ASPM: variants seen among roughly 807,000 people sequenced by gnomAD.
ASPM encodes the protein assembly factor for spindle microtubules, also known as abnormal spindle-like microcephaly-associated protein.
A neutral mutation model predicts 366.4 loss-of-function variants in ASPM; 256 were observed. That is an observed-to-expected ratio of 0.70 (90% CI 0.63 to 0.77). ASPM has a LOEUF of 0.77. ASPM is among the 30% of genes least tolerant of loss of function. ASPM has a pLI of 0.00. For missense variants in ASPM, 4,146 were observed against 4,090.4 expected (o/e 1.01, Z -0.37); for synonymous variants, 1,414 against 1,342.9 (o/e 1.05, Z -1.16).
rs576920584 is a variant in ASPM, at chr1:197,104,941, C to T, written c.4310G>A (p.Arg1437His). The T allele has an allele frequency of 1.9e-5, 31 of 1,612,074 alleles. No homozygotes were observed. Among genetic ancestry groups the T allele is most frequent in the Middle Eastern group, 1.7e-4 (1 of 6,044 alleles). Reference sequence around the variant, plus strand: ...AGCTTTTACTTGTGATTGCATTTTACGTTGCTTCCATTTTCTGAACATAGA... The same window carrying T: ...AGCTTTTACTTGTGATTGCATTTTATGTTGCTTCCATTTTCTGAACATAGA... Reference protein sequence around the residue: ...IQSMFRKWKQRKMQSQVKATV... With the variant: ...IQSMFRKWKQHKMQSQVKATV... Residue 1437 changes from arginine to histidine, a missense_variant, in exon 18 of 28, where the codon CGT (arginine) becomes CAT (histidine). By Grantham distance (29) the Arg-to-His change is conservative (BLOSUM62 0). Around this residue, in one of 3 missense-constraint regions of ASPM, gnomAD observed 3,624 missense variants for 3,591.7 expected, o/e 1.01. Coordinates refer to ENST00000367409, the MANE Select transcript of ASPM (RefSeq NM_018136.5).
chr1:197,095,213 C>T (rs1656932200), intron 19 of ASPM, among the ~76,000 whole-genome samples: 1 of 151,614 alleles, frequency 6.6e-6, no homozygotes, highest in African/African-American at 2.4e-5. Flanking sequence ...TATTTTTGTA[C>T]CCATTAACCA....
chr1:197,118,079 T>G, intron 16 of ASPM, 96 bp from the exon 17 acceptor site: 2 of 1,181,260 alleles, frequency 1.7e-6, no homozygotes, highest in Non-Finnish European at 2.5e-6. Flanking sequence ...CCAATCAAAT[T>G]GATACTGGAA....
At chr1:197,090,744 A>G in intron 23 of ASPM, 106 bp downstream of exon 23, 2 of 1,028,646 alleles carry the variant, frequency 1.9e-6, no homozygotes, top group South Asian at 2.8e-5. Context: ...CTACCGGCTA[A>G]TGCGTTAGCT....
At position 197,093,182 on chromosome 1, in the gene ASPM, G is replaced by A. The variant is rs752064051; in HGVS notation, c.9164C>T (p.Ala3055Val). Residue 3055 changes from alanine to valine, a missense_variant, in exon 21 of 28, where the codon GCT becomes GTT. Around this residue, in one of 3 missense-constraint regions of ASPM, gnomAD observed 3,624 missense variants for 3,591.7 expected, o/e 1.01. Transcript: ENST00000367409. ...GRQVFLRQKS[A>V]ALIIQKYIRA... ...TATATATTTTTGTATGATCAAAGCAGCAGATTTCTGCCGAAGAAAGACCTG... is the reference window on the plus strand; with the variant it reads ...TATATATTTTTGTATGATCAAAGCAACAGATTTCTGCCGAAGAAAGACCTG... 1.9e-6 allele frequency: 3 copies of A among 1,612,450 alleles called. No homozygotes were observed. Among genetic ancestry groups the A allele is most frequent in the East Asian group, 2.2e-5 (1 of 44,840 alleles).
At chr1:197,138,756 T>TA (rs1348338784) in intron 4 of ASPM, 3 of 722,046 alleles carry the variant, frequency 4.2e-6, no homozygotes, top group Non-Finnish European at 7.5e-6. Flanking sequence ...GATTATTTCT[T>TA]ACGATGTTTG....
chr1:197,103,256 G>GA lies in ASPM; in HGVS notation c.5994dup (p.Leu1999SerfsTer7). Reference sequence around the variant, plus strand: ...TAAGCCCTATAATACTTTTGAATCAGAAGAGCAGCTTTTTTCATGATTTTC... The same window carrying GA: ...TAAGCCCTATAATACTTTTGAATCAGAAAGAGCAGCTTTTTTCATGATTTTC... On this transcript the variant is annotated frameshift_variant, in exon 18 of 28. Transcript: ENST00000367409. LOFTEE classifies it high-confidence loss of function. The GA allele has an allele frequency of 6.2e-7, 1 of 1,612,710 alleles. No homozygotes were observed. The highest frequency in any genetic ancestry group is 8.5e-7 in the Non-Finnish European group (1 of 1,179,280).
chr1:197,108,971 C>CAAA (rs564818123), intron 17 of ASPM, among the ~76,000 whole-genome samples: 40 of 69,686 alleles, frequency 5.7e-4, no homozygotes, highest in African/African-American at 1.8e-3. Context: ...ACCCTGTCTC[C>CAAA]AAAAAAAAAA....
Position 197,101,393 on chromosome 1 carries a change from GTTT to G in ASPM, c.7855_7857del (p.Lys2619del). 1 of 1,608,236 alleles carries G rather than the reference GTTT, an allele frequency of 6.2e-7. No homozygotes were observed. Among genetic ancestry groups the G allele is most frequent in the Non-Finnish European group, 8.5e-7 (1 of 1,178,792 alleles). On this transcript the variant is annotated inframe_deletion, in exon 18 of 28. Transcript: ENST00000367409. ...GCAGCCTGGTGCTGTTCCTGAATCT[GTTT>G]TTTTATGTTCATGTCCTGAAAACCT...
rs1196083751 is a variant in ASPM at position 197,143,537 on chromosome 1, G to A, written c.715C>T (p.Leu239Phe). Reference sequence around the variant, plus strand: ...TAGGTAGTAGATCGACGTACAGAGAGTGGCAAGCAAGTTGCACCATGGCAT... The same window carrying A: ...TAGGTAGTAGATCGACGTACAGAGAATGGCAAGCAAGTTGCACCATGGCAT... Reference protein sequence around the residue: ...NECHGATCLPLSVRRSTTYSS... With the variant: ...NECHGATCLPFSVRRSTTYSS... The change falls in exon 3 of 28, where the codon CTC becomes TTC. Residue 239 changes from leucine (L) to phenylalanine (F), a missense_variant. Coordinates refer to ENST00000367409, the MANE Select transcript of ASPM (RefSeq NM_018136.5). The A allele has an allele frequency of 1.2e-6, 2 of 1,613,870 alleles. No individual in the cohort carries two copies. The highest frequency in any genetic ancestry group is 1.7e-6 in the Non-Finnish European group (2 of 1,179,920).
intron 4 of ASPM, chr1:197,139,403 C>A (rs532266842): frequency 1.8e-6 from 1 of 559,768 alleles, no homozygotes; most frequent in East Asian, 3.0e-5. Flanking sequence ...CCGACCACCC[C>A]GGCCAACACG....
chr1:197,124,378 AT>A, intron 12 of ASPM, 47 bp from the exon 13 acceptor site: 1 of 1,303,258 alleles, frequency 7.7e-7, no homozygotes, highest in Non-Finnish European at 1.1e-6. Flanking sequence ...TTTTCCATAG[AT>A]TATTTTTAAC....
chr1:197,103,586 T>C lies in ASPM; in HGVS notation c.5665A>G (p.Lys1889Glu), dbSNP rs543898808. Residue 1889 changes from lysine to glutamate, a missense_variant, in exon 18 of 28, where the codon AAG becomes GAG. Lys to Glu is a moderately conservative substitution (Grantham distance 56, BLOSUM62 1). Around this residue, in one of 3 missense-constraint regions of ASPM, gnomAD observed 3,624 missense variants for 3,591.7 expected, o/e 1.01. Transcript: ENST00000367409. ...TCCCTTCTAATCTGTTTCCGAACCT[T>C]CCAGCCACGATAAGCAGACTGGAGG... ...ISLQSAYRGW[K>E]VRKQIRREHQ... 3 of 1,612,912 alleles carry C rather than the reference T, an allele frequency of 1.9e-6. No homozygotes were observed. In the African/African-American group the frequency reaches 4.0e-5, roughly 22 times the overall value.
Position 197,103,338 on chromosome 1 carries a change from A to T in ASPM, c.5913T>A (p.His1971Gln), listed in dbSNP as rs765876527. The change falls in exon 18 of 28, where the codon CAT becomes CAA. Residue 1971 changes from histidine to glutamine, a missense_variant. Transcript: ENST00000367409. ...KTLRRQLQRQ[H>Q]KCAIIIQSYY... The stretch of plus-strand genomic sequence containing the variant: ...ATGACTGTATGATGATAGCACATTT[A>T]TGTTGCCTTTGAAGCTGTCTTCTCA... The T allele has an allele frequency of 1.2e-6, 2 of 1,613,250 alleles. No individual in the cohort carries two copies. Among genetic ancestry groups the T allele is most frequent in the South Asian group, 2.2e-5 (2 of 91,064 alleles).
At position 197,146,627 on chromosome 1, in the gene ASPM, C is replaced by T. The variant is rs1387959892; in HGVS notation, c.-190G>A. ...ACAGAAAACAAGCCCAATAAACTCG[C>T]AAATTAAAAAGAGGAGCCAAACAAG... On this transcript the variant is annotated 5_prime_UTR_variant, in exon 1 of 28. Coordinates refer to ENST00000367409, the MANE Select transcript of ASPM (RefSeq NM_018136.5). 6 of 648,200 alleles carry T rather than the reference C, an allele frequency of 9.3e-6. No individual in the cohort carries two copies. The highest frequency in any genetic ancestry group is 1.6e-5 in the Non-Finnish European group (6 of 379,692). 40.2% of individuals were successfully genotyped at this position (648,200 alleles called of 1,614,324 possible). A position where few individuals can be genotyped will look rare whatever the true frequency, so the allele number is the denominator to read the frequency against.
Position 197,091,083 on chromosome 1 carries a change from GT to G in ASPM, c.9445-43del, listed in dbSNP as rs780969773. The G allele has an allele frequency of 6.1e-6, 9 of 1,469,262 alleles. No homozygotes were observed. In the East Asian group the frequency reaches 1.1e-4, roughly 19 times the overall value. 91.0% of individuals were successfully genotyped at this position (1,469,262 alleles called of 1,614,324 possible). On this transcript the variant is annotated intron_variant, in intron 22 of 27. Transcript: ENST00000367409. ...ATTTTGTTTTTCATTTCTACTTCAG[GT>G]TTTTTTAAAAAAATATACAAATATA... is the stretch of plus-strand genomic sequence containing the variant.
At chr1:197,131,389 C>T (rs1658248854) in intron 7 of ASPM, among the ~76,000 whole-genome samples, 1 of 152,096 alleles carries the variant, frequency 6.6e-6, no homozygotes, top group African/African-American at 2.4e-5. Context: ...CTTTAAACAG[C>T]CAATTACTAA....
rs1658020926 is a variant in ASPM at position 197,124,430 on chromosome 1, G to A, written c.3169-99C>T. 5 of 894,966 alleles carry A rather than the reference G, an allele frequency of 5.6e-6. No individual in the cohort carries two copies. In the Admixed American group the frequency reaches 1.1e-4, roughly 19 times the overall value. 55.4% of individuals were successfully genotyped at this position (894,966 alleles called of 1,614,324 possible). ...TAACTGTCTTCTATTTAGAGAAACT[G>A]TAGATGTTTTAAACCAGGAAGTTAA... is the stretch of plus-strand genomic sequence containing the variant. On this transcript the variant is annotated intron_variant, in intron 12 of 27. Transcript: ENST00000367409.
chr1:197,103,206 A>G lies in ASPM; in HGVS notation c.6045T>C (p.His2015=). 1 of 1,612,790 alleles carries G rather than the reference A, an allele frequency of 6.2e-7. No homozygotes were observed. The highest frequency in any genetic ancestry group is 8.5e-7 in the Non-Finnish European group (1 of 1,179,402). ...RAYSIGREQN[H]LYLKTKAAVV... ...CAGCTGCTTTTGTTTTCAAATATAA[A>G]TGATTCTGTTCTCTTCCAATACTGT... Residue 2015 remains histidine (H), a synonymous_variant, in exon 18 of 28, where the codon CAT becomes CAC. Coordinates refer to ENST00000367409, the MANE Select transcript of ASPM (RefSeq NM_018136.5).
In ASPM at chr1:197,084,446, AGTCTGGC is replaced by A; in HGVS notation, c.10332-27_10332-21del. 13 of 1,485,502 alleles carry A rather than the reference AGTCTGGC, an allele frequency of 8.8e-6. No homozygotes were observed. Among genetic ancestry groups the A allele is most frequent in the Non-Finnish European group, 1.2e-5 (13 of 1,070,478 alleles). 92.0% of individuals were successfully genotyped at this position (1,485,502 alleles called of 1,614,324 possible). On this transcript the variant is annotated intron_variant, in intron 27 of 27. Transcript: ENST00000367409. The stretch of plus-strand genomic sequence containing the variant: ...TTAAGTCTGTTAAAAAAAAAAAAAA[AGTCTGGC>A]ATTAATAAAGTTCTTCTCTTTAGAG...
Sources: gnomAD v4.1 joint callset for allele counts (sites outside exome capture counted in the v4.1 genomes callset) on GRCh38, gnomAD v4.1.1 for gene constraint, gnomAD v4.1.1 regional missense constraint, MANE v1.5 for transcripts, NCBI Gene and HGNC (gene_info 2026-07-23, HGNC 2026-07-21) for gene names.